The following ZNF536 variants were observed in gnomAD, a reference collection of about 807,000 sequenced individuals.
ZNF536 encodes the protein zinc finger protein 536.
Under a neutral mutation model 84.5 loss-of-function variants are expected in ZNF536, and 13 were observed. That is an observed-to-expected ratio of 0.15 (90% CI 0.10 to 0.24). The LOEUF is 0.24. Among genes scored for constraint, ZNF536 ranks in the 10% least tolerant of loss-of-function variants. The probability of loss-of-function intolerance (pLI) is 1.00; values close to 1 mark genes in which losing one functional copy is unlikely to be tolerated. For synonymous variants in ZNF536, 811 were observed against 742.5 expected (o/e 1.09, Z -1.50); for missense variants, 1,536 against 1,747.5 (o/e 0.88, Z 2.16).
chr19:30,526,757 G>C (rs1461957213), intron 2 of ZNF536, among the ~76,000 whole-genome samples: 2 of 151,418 alleles, frequency 1.3e-5, no homozygotes, highest in South Asian at 2.1e-4. Flanking sequence ...AACGGGTTCA[G>C]GGCTTGGGAA....
At chr19:30,478,885 G>C (rs1599517995) in intron 2 of ZNF536, among the ~76,000 whole-genome samples, 1 of 152,330 alleles carries the variant, frequency 6.6e-6, no homozygotes, top group East Asian at 1.9e-4. Flanking sequence ...TGCATCATCT[G>C]TGTAGGCTCA....
At chr19:30,565,143 G>A (rs930669184) in intron 1 of ZNF536, among the ~76,000 whole-genome samples, 20 of 151,808 alleles carry the variant, frequency 1.3e-4, no homozygotes, top group Admixed American at 5.2e-4. Context: ...CCCCTCTGGG[G>A]TGGGGAATGT....
intron 1 of ZNF536, among the ~76,000 whole-genome samples, chr19:30,584,801 TAG>T (rs1012675665): frequency 2.6e-5 from 4 of 152,164 alleles, no homozygotes; most frequent in Non-Finnish European, 4.4e-5. Flanking sequence ...AAAACTACTT[TAG>T]AGACAGTCTT....
chr19:30,355,473 G>A (rs755122336), intron 3 of ZNF536, among the ~76,000 whole-genome samples: 4 of 152,018 alleles, frequency 2.6e-5, no homozygotes, highest in Non-Finnish European at 4.4e-5. Context: ...CTGCAACCTC[G>A]ACCTCCTGGG....
At chr19:30,250,161 T>C (rs1214691586) in intron 1 of ZNF536, among the ~76,000 whole-genome samples, 1 of 152,206 alleles carries the variant, frequency 6.6e-6, no homozygotes, top group Non-Finnish European at 1.5e-5. Flanking sequence ...GGAGTCCAAA[T>C]CCTTAATTCA....
intron 1 of ZNF536, among the ~76,000 whole-genome samples, chr19:30,581,406 G>A (rs571871302): frequency 6.3e-4 from 96 of 152,264 alleles, no homozygotes; most frequent in African/African-American, 2.0e-3. Flanking sequence ...GAACCCGGGA[G>A]GTCGAGGTTG....
intron 4 of ZNF536, among the ~76,000 whole-genome samples, chr19:30,550,802 G>A (rs900687335): frequency 2.6e-5 from 4 of 151,912 alleles, no homozygotes; most frequent in African/African-American, 7.3e-5. Flanking sequence ...TGAATCAAGC[G>A]GTCAGAAATA....
At position 30,669,158 on chromosome 19, in the gene ZNF536, G is replaced by C. The variant is rs80169093; in HGVS notation, c.170-41599G>C. Among the ~76,000 whole-genome samples the C allele has an allele frequency of 4.0e-3, 606 of 152,364 alleles. 5 individuals carry two copies. The highest frequency in any genetic ancestry group is 6.6e-3 in the Non-Finnish European group (449 of 68,034). ...CAGGAGCAATTGTCCCAATGCCACA[G>C]TGGGGCGATGCACAGGCGGCTGGCG... On this transcript the variant is annotated intron_variant, in intron 1 of 1. Transcript: ENST00000592773.
rs761123687 is a variant in ZNF536, at chr19:30,445,213, A to G, written c.1651A>G (p.Thr551Ala). The G allele has an allele frequency of 2.5e-6, 4 of 1,614,158 alleles. No individual in the cohort carries two copies. The Admixed American group carries it at 6.7e-5, about 27-fold the overall frequency. ...EHPLQRNHED[T>A]LANAGVLFDK... Reference sequence around the variant, plus strand: ...TCCGCTGCAGCGCAACCACGAAGACACTTTGGCAAACGCCGGGGTTCTGTT... The same window carrying G: ...TCCGCTGCAGCGCAACCACGAAGACGCTTTGGCAAACGCCGGGGTTCTGTT... The change falls in exon 2 of 5, where the codon ACT (threonine) becomes GCT (alanine). Residue 551 changes from threonine to alanine, a missense_variant. Thr to Ala is a moderately conservative substitution (Grantham distance 58). This residue lies in a region of ZNF536 where 366 missense variants were observed against 364.4 expected (regional missense o/e 1.00). Transcript: ENST00000355537. The surrounding 1 kb of genome is among the most constrained non-coding windows in gnomAD (Gnocchi z 4.5).
chr19:30,498,418 A>G (rs190615346), intron 2 of ZNF536, among the ~76,000 whole-genome samples: 142 of 152,076 alleles, frequency 9.3e-4, no homozygotes, highest in East Asian at 5.2e-3. Flanking sequence ...GAGGGGAACA[A>G]CACACACTGG....
chr19:30,473,831 C>T (rs570436029), intron 2 of ZNF536, among the ~76,000 whole-genome samples: 1 of 152,328 alleles, frequency 6.6e-6, no homozygotes, highest in East Asian at 1.9e-4. Context: ...AGCTGTCTCT[C>T]CTCCAGGGAT....
intron 1 of ZNF536, among the ~76,000 whole-genome samples, chr19:30,383,828 CTCCTTCTTTCCTTCCTTCCTTCCT>C (rs1421354024): frequency 1.2e-4 from 15 of 127,980 alleles, no homozygotes; most frequent in African/African-American, 4.8e-4. Context: ...TTCTTTCTTT[CTCCTTCTTTCCTTCCTTCCTTCCT>C]TCCTTCCTTC....
intron 3 of ZNF536, among the ~76,000 whole-genome samples, chr19:30,545,236 T>C (rs1230064099): frequency 2.6e-5 from 4 of 152,084 alleles, no homozygotes; most frequent in Non-Finnish European, 4.4e-5. Context: ...ACCAGAATCA[T>C]AGGGACGCTT....
At chr19:30,359,766 C>A (rs965284673) in intron 3 of ZNF536, among the ~76,000 whole-genome samples, 1 of 152,178 alleles carries the variant, frequency 6.6e-6, no homozygotes, top group African/African-American at 2.4e-5. Flanking sequence ...TCTGCCCTCA[C>A]GTGTAGCTGA....
chr19:30,623,594 A>G (rs1437957324), intron 1 of ZNF536, among the ~76,000 whole-genome samples: 3 of 152,200 alleles, frequency 2.0e-5, no homozygotes, highest in African/African-American at 7.2e-5. Flanking sequence ...TGCTGCTACA[A>G]TGACTTCTCC....
intron 1 of ZNF536, among the ~76,000 whole-genome samples, chr19:30,423,715 A>G (rs1187259081): frequency 2.0e-5 from 3 of 152,222 alleles, no homozygotes; most frequent in Non-Finnish European, 4.4e-5. Context: ...GCCTGCCCAG[A>G]CTGTGCGAAG....
chr19:30,344,541 T>C (rs1055987989), intron 2 of ZNF536, among the ~76,000 whole-genome samples: 3 of 150,816 alleles, frequency 2.0e-5, no homozygotes, highest in Non-Finnish European at 4.4e-5. Flanking sequence ...CTTCTCCGAG[T>C]CAGCACTGGA....
chr19:30,464,813 G>A (rs1332125831), intron 2 of ZNF536, among the ~76,000 whole-genome samples: 1 of 152,012 alleles, frequency 6.6e-6, no homozygotes, highest in South Asian at 2.1e-4. Flanking sequence ...GTCCATCAGG[G>A]TGGGGCTCCT....
At chr19:30,697,596 TAGAA>T (rs1210540079) in intron 1 of ZNF536, among the ~76,000 whole-genome samples, 1 of 152,160 alleles carries the variant, frequency 6.6e-6, no homozygotes, top group Non-Finnish European at 1.5e-5. Context: ...AACTGAGACT[TAGAA>T]AGGTTAACTA....
Sources: gnomAD v4.1 joint callset for allele counts (sites outside exome capture counted in the v4.1 genomes callset) on GRCh38, gnomAD v4.1.1 for gene constraint, gnomAD v4.1.1 regional missense constraint, Gnocchi (gnomAD v3.1) non-coding constraint, MANE v1.5 for transcripts, NCBI Gene and HGNC (gene_info 2026-07-23, HGNC 2026-07-21) for gene names.